The following XIAP variants were observed in gnomAD, a reference collection of about 807,000 sequenced individuals.
The protein encoded by XIAP is X-linked inhibitor of apoptosis.
XIAP carries 3 observed loss-of-function variants against 33.1 expected under a neutral mutation model. The ratio of observed to expected loss-of-function variants is 0.09; its 90% CI spans 0.04 to 0.23. The LOEUF (loss-of-function observed/expected upper bound fraction) is 0.23. Ranked by LOEUF, XIAP falls within the 10% of genes least tolerant of loss-of-function variation. XIAP has a pLI of 1.00. For synonymous variants in XIAP, 98 were observed against 121.3 expected, an observed-to-expected ratio of 0.81 and a Z score of 1.26; for missense variants, 264 against 363.0, an observed-to-expected ratio of 0.73 and a Z score of 2.22.
chrX:123,883,172 C>A lies in XIAP; in HGVS notation c.-32-2459C>A, dbSNP rs377756111. ...ATCTTGGCTCACTGCAACCTCCGCT[C>A]CCCGGGTTCAAGGCATTCTTCTGTT... is the stretch of plus-strand genomic sequence containing the variant. On this transcript the variant is annotated intron_variant, in intron 1 of 6. Coordinates refer to ENST00000371199, the MANE Select transcript of XIAP (RefSeq NM_001167.4). Among the ~76,000 whole-genome samples, 16 of 109,643 alleles carry A rather than the reference C, an allele frequency of 1.5e-4. No individual in the cohort carries two copies. In the East Asian group the frequency reaches 2.6e-3, roughly 18 times the overall value.
At chrX:123,869,362 C>CAAAAAAAAAAAAAAAAACAAAAAAAAA (rs2053172257) in intron 1 of XIAP, among the ~76,000 whole-genome samples, 1 of 29,723 alleles carries the variant, frequency 3.4e-5, no homozygotes, top group Non-Finnish European at 5.6e-5. Flanking sequence ...TAAAAAAATA[C>CAAAAAAAAAAAAAAAAACAAAAAAAAA]AAAAAAAAAA....
chrX:123,900,298 G>A (rs777931889), intron 5 of XIAP, among the ~76,000 whole-genome samples, 195 bp from the exon 6 acceptor site: 1 of 112,094 alleles, frequency 8.9e-6, no homozygotes, highest in East Asian at 2.8e-4. Context: ...TTAATTGTAA[G>A]ATTCTGAAAG....
intron 5 of XIAP, among the ~76,000 whole-genome samples, chrX:123,896,264 G>T (rs951962045): frequency 9.2e-6 from 1 of 108,667 alleles, no homozygotes; most frequent in Non-Finnish European, 1.9e-5. Context: ...AGAAGGTTTC[G>T]CCATTGTTGC....
chrX:123,880,729 C>T (rs773942111), intron 1 of XIAP, among the ~76,000 whole-genome samples: 98 of 55,012 alleles, frequency 1.8e-3, no homozygotes, highest in Admixed American at 9.6e-3. Context: ...AAGAGCAAAA[C>T]TCTGTTTCAA....
At chrX:123,888,172 A>G (rs1022637969) in intron 2 of XIAP, among the ~76,000 whole-genome samples, 1 of 110,189 alleles carries the variant, frequency 9.1e-6, no homozygotes, top group Admixed American at 9.8e-5. Context: ...CATCTCTACC[A>G]AAGATATAAA....
chrX:123,890,865 C>T (rs1164086552), intron 3 of XIAP, among the ~76,000 whole-genome samples: 1 of 105,674 alleles, frequency 9.5e-6, no homozygotes, highest in African/African-American at 3.5e-5. Context: ...CGCTTGAACC[C>T]GGAAGGCTAA....
Position 123,911,119 on chromosome X carries a change from T to G in XIAP, c.*3938T>G, listed in dbSNP as rs2053597386. On this transcript the variant is annotated 3_prime_UTR_variant, in exon 7 of 7. Coordinates refer to ENST00000371199, the MANE Select transcript of XIAP (RefSeq NM_001167.4). ...TGACCTGGAAATTTGGGCTAAAACT[T>G]AGAAAAAATTCTTACATGATAACTC... 3.1e-6 allele frequency: 1 copy of G among 326,932 alleles called. No homozygotes were observed. Among genetic ancestry groups the G allele is most frequent in the Non-Finnish European group, 5.9e-6 (1 of 169,595 alleles). The allele number at this position is 326,932 out of a possible 1,213,427, so 26.9% of individuals were successfully genotyped here.
At chrX:123,877,068 C>CTT (rs771164262) in intron 1 of XIAP, among the ~76,000 whole-genome samples, 3 of 97,591 alleles carry the variant, frequency 3.1e-5, no homozygotes, top group Non-Finnish European at 4.2e-5. Context: ...AATTAATTGC[C>CTT]TTTTTTTTTT....
intron 2 of XIAP, 139 bp downstream of exon 2, chrX:123,886,678 C>A (rs747092064): frequency 4.6e-6 from 3 of 647,131 alleles, no homozygotes; most frequent in African/African-American, 4.5e-5. Context: ...CTGTATTATT[C>A]CGTGAACTCT....
At chrX:123,876,146 G>A (rs2053242190) in intron 1 of XIAP, among the ~76,000 whole-genome samples, 1 of 110,508 alleles carries the variant, frequency 9.0e-6, no homozygotes, top group Admixed American at 9.7e-5. Context: ...TTCCTGGGCT[G>A]AAGTGATTCT....
intron 1 of XIAP, among the ~76,000 whole-genome samples, chrX:123,880,670 G>A (rs1448651623): frequency 9.5e-6 from 1 of 105,647 alleles, no homozygotes; most frequent in Non-Finnish European, 1.9e-5. Flanking sequence ...CTGGGAGGCG[G>A]AGGTTGCAGT....
In XIAP at chrX:123,885,505, G is replaced by A. The variant is rs1369324814; in HGVS notation, c.-32-126G>A. On this transcript the variant is annotated intron_variant, in intron 1 of 6. Coordinates refer to ENST00000371199, the MANE Select transcript of XIAP (RefSeq NM_001167.4). ...TGTCGAACTCTAGTATTTAGAATTA[G>A]AATGTTTCTTAGCGGTCGTGTAGTT... is the stretch of plus-strand genomic sequence containing the variant. 8.0e-6 allele frequency: 4 copies of A among 502,822 alleles called. No individual in the cohort carries two copies. The African/African-American group carries it at 9.4e-5, about 12-fold the overall frequency. 41.4% of individuals were successfully genotyped at this position (502,822 alleles called of 1,213,427 possible).
rs1163905528 is a variant in XIAP at position 123,903,619 on chromosome X, GT to G, written c.1300+2937del. Among the ~76,000 whole-genome samples, 12 of 55,291 alleles carry G rather than the reference GT, an allele frequency of 2.2e-4. 1 individual carries two copies. Among genetic ancestry groups the G allele is most frequent in the East Asian group, 4.2e-4 (1 of 2,364 alleles). 48.0% of individuals were successfully genotyped at this position (55,291 alleles called of 115,157 possible). On this transcript the variant is annotated intron_variant, in intron 6 of 6. Coordinates refer to ENST00000371199, the MANE Select transcript of XIAP (RefSeq NM_001167.4). ...GTCCAGTGTTTTGGGGTTTGTTTCA[GT>G]TTTTTTTTTTGTTTTGTTTTTTGTT...
At chrX:123,865,499 G>C (rs1382219144) in intron 1 of XIAP, among the ~76,000 whole-genome samples, 1 of 108,814 alleles carries the variant, frequency 9.2e-6, no homozygotes, top group Non-Finnish European at 1.9e-5. Context: ...AGACTGAGGC[G>C]GGCGGATCAC....
Position 123,913,539 on chromosome X carries a change from A to C in XIAP, c.*6358A>C, listed in dbSNP as rs1014017522. On this transcript the variant is annotated 3_prime_UTR_variant, in exon 7 of 7. Coordinates refer to ENST00000371199, the MANE Select transcript of XIAP (RefSeq NM_001167.4). ...GTTTGGGTGGTCAGATTCTACTTTG[A>C]ATCTGAAGTTTGCAGATATGCCTAT... is the stretch of plus-strand genomic sequence containing the variant. 2 of 326,623 alleles carry C rather than the reference A, an allele frequency of 6.1e-6. No individual in the cohort carries two copies. The highest frequency in any genetic ancestry group is 5.3e-5 in the African/African-American group (2 of 37,689). 26.9% of individuals were successfully genotyped at this position (326,623 alleles called of 1,213,427 possible).
chrX:123,894,241 A>G (rs1478189669), intron 5 of XIAP, among the ~76,000 whole-genome samples: 1 of 112,365 alleles, frequency 8.9e-6, no homozygotes, highest in African/African-American at 3.2e-5. Flanking sequence ...GGTAATTGTT[A>G]TCCCCACTTT....
rs1478967460 is a variant in XIAP at position 123,912,526 on chromosome X, T to A, written c.*5345T>A. Reference sequence around the variant, plus strand: ...GGTGTGTGCCTGTAGTCCTGGCTACTCCGGAGCCTGAGGTGGGAGGATCGC... The same window carrying A: ...GGTGTGTGCCTGTAGTCCTGGCTACACCGGAGCCTGAGGTGGGAGGATCGC... On this transcript the variant is annotated 3_prime_UTR_variant, in exon 7 of 7. Transcript: ENST00000371199. The A allele has an allele frequency of 3.1e-6, 1 of 325,065 alleles. No individual in the cohort carries two copies. Among genetic ancestry groups the A allele is most frequent in the East Asian group, 9.8e-5 (1 of 10,213 alleles). 26.8% of individuals were successfully genotyped at this position (325,065 alleles called of 1,213,427 possible).
chrX:123,867,708 A>G (rs1250324113), intron 1 of XIAP, among the ~76,000 whole-genome samples: 1 of 67,194 alleles, frequency 1.5e-5, no homozygotes, highest in African/African-American at 6.5e-5. Context: ...AGTTTTGCTC[A>G]TGTTGCCCAG....
At chrX:123,860,444 C>T (rs1602522775) in intron 1 of XIAP, 151 bp downstream of exon 1, 2 of 262,114 alleles carry the variant, frequency 7.6e-6, no homozygotes, top group South Asian at 3.4e-5. Context: ...TGGCCCGGCC[C>T]CGGCTGCTTG....
Sources: allele counts gnomAD v4.1 joint callset (sites outside exome capture counted in the v4.1 genomes callset), GRCh38; gene constraint gnomAD v4.1.1; transcripts MANE v1.5; gene names NCBI Gene and HGNC (gene_info 2026-07-23, HGNC 2026-07-21).